Variants in PDCD7 observed in about 807,000 individuals in gnomAD.
The protein encoded by PDCD7 is programmed cell death protein 7.
PDCD7 carries 40 observed loss-of-function variants against 42.1 expected under a neutral mutation model. The observed-to-expected ratio is 0.95, with a 90% CI of 0.74 to 1.24. The LOEUF is 1.24. Among genes scored for constraint, PDCD7 ranks in the 50% most tolerant of loss-of-function variants. The pLI, the probability that PDCD7 is intolerant of heterozygous loss-of-function variation, is 0.00. For missense variants in PDCD7, 644 were observed against 662.8 expected, an observed-to-expected ratio of 0.97 and a Z score of 0.31; for synonymous variants, 299 against 303.3, an observed-to-expected ratio of 0.99 and a Z score of 0.15.
chr15:65,126,724 G>A (rs958188812), intron 2 of PDCD7, among the ~76,000 whole-genome samples: 13 of 150,636 alleles, frequency 8.6e-5, no homozygotes, highest in Non-Finnish European at 7.4e-5. Flanking sequence ...ACTGCACTTC[G>A]GCTTGGGCGA....
intron 2 of PDCD7, among the ~76,000 whole-genome samples, chr15:65,125,593 T>C (rs1238098038): frequency 6.6e-6 from 1 of 152,216 alleles, no homozygotes; most frequent in Non-Finnish European, 1.5e-5. Flanking sequence ...TCCTTATTTC[T>C]TGATAATAAA....
Position 65,133,396 on chromosome 15 carries a change from G to T in PDCD7, c.386C>A (p.Pro129Gln). The change falls in exon 1 of 5, where the codon CCG becomes CAG. Residue 129 changes from proline to glutamine, a missense_variant. Physicochemically the swap from Pro to Gln is moderately conservative, Grantham distance 76. Transcript: ENST00000204549. ...SPRWPEAPPP[P>Q]ADVLGDAALQ... ...GGCCGCATCCCCGAGCACGTCGGCC[G>T]GCGGCGGCGGCGCCTCAGGCCACCG... is the stretch of plus-strand genomic sequence containing the variant. The T allele has an allele frequency of 1.0e-5, 12 of 1,185,404 alleles. No individual in the cohort carries two copies. The highest frequency in any genetic ancestry group is 1.3e-5 in the Non-Finnish European group (12 of 959,014). 73.4% of individuals were successfully genotyped at this position (1,185,404 alleles called of 1,614,324 possible). A position where few individuals can be genotyped will look rare whatever the true frequency, so the allele number is the denominator to read the frequency against.
chr15:65,119,987 A>ATT, intron 2 of PDCD7, 33 bp from the exon 3 acceptor site: 11 of 1,251,440 alleles, frequency 8.8e-6, no homozygotes, highest in Admixed American at 2.3e-5. Flanking sequence ...CATTTTATTT[A>ATT]TTTTTTTTTT....
intron 2 of PDCD7, 108 bp downstream of exon 2, chr15:65,128,924 G>T: frequency 7.6e-7 from 1 of 1,315,212 alleles, no homozygotes. Context: ...CCGACAAGGT[G>T]AAAATCATGA....
chr15:65,127,440 G>A (rs910148398), intron 2 of PDCD7, among the ~76,000 whole-genome samples: 3 of 149,394 alleles, frequency 2.0e-5, no homozygotes. Flanking sequence ...GTCCGGCCTG[G>A]GCGACAGAGC....
chr15:65,122,380 GA>G (rs371285004), intron 2 of PDCD7, among the ~76,000 whole-genome samples: 34 of 148,326 alleles, frequency 2.3e-4, no homozygotes, highest in South Asian at 4.3e-4. Context: ...ATACAAGAAA[GA>G]AAAAAAAAAT....
Position 65,133,459 on chromosome 15 carries a change from C to T in PDCD7, c.323G>A (p.Arg108Gln). The T allele has an allele frequency of 1.7e-6, 2 of 1,207,192 alleles. No individual in the cohort carries two copies. Among genetic ancestry groups the T allele is most frequent in the East Asian group, 3.4e-5 (1 of 29,510 alleles). The allele number at this position is 1,207,192 out of a possible 1,614,324, so 74.8% of individuals were successfully genotyped here. ...CGGCCCCGGGCCGGGAGGCGGTGGCCGCGGCCGCTCGCCGGCGTCGGTCCC... is the reference window on the plus strand; with the variant it reads ...CGGCCCCGGGCCGGGAGGCGGTGGCTGCGGCCGCTCGCCGGCGTCGGTCCC... ...FPGTDAGERPRPPPPGPGPPW... is the reference protein window; with the variant it reads ...FPGTDAGERPQPPPPGPGPPW... Residue 108 changes from arginine to glutamine, a missense_variant, in exon 1 of 5, where the codon CGG becomes CAG. Coordinates refer to ENST00000204549, the MANE Select transcript of PDCD7 (RefSeq NM_005707.2).
At chr15:65,131,086 G>A (rs1312164368) in intron 1 of PDCD7, among the ~76,000 whole-genome samples, 1 of 152,164 alleles carries the variant, frequency 6.6e-6, no homozygotes, top group Non-Finnish European at 1.5e-5. Context: ...AGATGAGGCA[G>A]GCGAGCAAGT....
chr15:65,130,621 T>C (rs1191005907), intron 1 of PDCD7, among the ~76,000 whole-genome samples: 2 of 152,140 alleles, frequency 1.3e-5, no homozygotes, highest in East Asian at 1.9e-4. Flanking sequence ...ACTTCTCCAT[T>C]TGGATTACTC....
At position 65,133,713 on chromosome 15, in the gene PDCD7, A is replaced by G; in HGVS notation, c.69T>C (p.Ala23=). ...GCGGCGGTGGCGGACAGCCGAAAGG[A>G]GCAGGAGGCGGCGGCTGCGGGGGCG... ...GPPPPQPPPP[A]PFGCPPPPLP... is the part of the protein sequence containing the mutation. The change falls in exon 1 of 5, where the codon GCT becomes GCC. Residue 23 remains alanine, a synonymous_variant. Coordinates refer to ENST00000204549, the MANE Select transcript of PDCD7 (RefSeq NM_005707.2). The G allele has an allele frequency of 1.5e-6, 2 of 1,312,998 alleles. No homozygotes were observed. Among genetic ancestry groups the G allele is most frequent in the South Asian group, 2.4e-5 (1 of 42,258 alleles). The allele number at this position is 1,312,998 out of a possible 1,614,324, so 81.3% of individuals were successfully genotyped here. A position where few individuals can be genotyped will look rare whatever the true frequency, so the allele number is the denominator to read the frequency against.
chr15:65,121,058 T>TC (rs1396397966), intron 2 of PDCD7, among the ~76,000 whole-genome samples: 2 of 149,806 alleles, frequency 1.3e-5, no homozygotes, highest in African/African-American at 4.9e-5. Flanking sequence ...TCTTTCTTTT[T>TC]TTTTTTTTTT....
chr15:65,132,957 G>A lies in PDCD7; in HGVS notation c.825C>T (p.Asp275=). The A allele has an allele frequency of 1.2e-6, 2 of 1,606,456 alleles. No individual in the cohort carries two copies. The highest frequency in any genetic ancestry group is 8.5e-7 in the Non-Finnish European group (1 of 1,179,848). The change falls in exon 1 of 5, where the codon GAC becomes GAT. Residue 275 remains aspartate (D), a synonymous_variant. Transcript: ENST00000204549. The part of the protein sequence containing the change: ...ARAVEREQEI[D]RWRVKCVQEV... ...CCTGCACACACTTCACCCTCCAGCG[G>A]TCAATCTCCTGCTCGCGTTCCACTG...
chr15:65,118,477 T>C lies in PDCD7; in HGVS notation c.*240A>G. On this transcript the variant is annotated 3_prime_UTR_variant, in exon 5 of 5. Transcript: ENST00000204549. Reference sequence around the variant, plus strand: ...AGGCAAATTTGGTGAACCAAGGTCATTCACTGCCTGTGGTAAAAACCTCAG... The same window carrying C: ...AGGCAAATTTGGTGAACCAAGGTCACTCACTGCCTGTGGTAAAAACCTCAG... The C allele has an allele frequency of 2.6e-6, 1 of 385,516 alleles. No individual in the cohort carries two copies. Among genetic ancestry groups the C allele is most frequent in the Non-Finnish European group, 4.6e-6 (1 of 219,636 alleles). The allele number at this position is 385,516 out of a possible 1,614,324, so 23.9% of individuals were successfully genotyped here. A position where few individuals can be genotyped will look rare whatever the true frequency, so the allele number is the denominator to read the frequency against.
Position 65,129,696 on chromosome 15 carries a change from T to C in PDCD7, c.871-526A>G, listed in dbSNP as rs568284747. 5.3e-4 allele frequency among the ~76,000 whole-genome samples: 80 copies of C among 152,258 alleles called. 2 individuals carry two copies. The highest frequency in any genetic ancestry group is 1.9e-3 in the African/African-American group (77 of 41,542). ...GATTGCTGTCCTACTCTTGACTTAG[T>C]TCACATATAGACTAAATAACCCCAG... On this transcript the variant is annotated intron_variant, in intron 1 of 4. Transcript: ENST00000204549.
chr15:65,133,173 C>T lies in PDCD7; in HGVS notation c.609G>A (p.Ala203=), dbSNP rs758688595. The change falls in exon 1 of 5, where the codon GCG becomes GCA. Residue 203 remains alanine (A), a synonymous_variant. Transcript: ENST00000204549. ...QALREAEADG[A]AWVLLYSQTA... is the part of the protein sequence containing the mutation. ...TCTGGGAGTACAGCAGGACCCAGGC[C>T]GCGCCGTCGGCTTCGGCCTCGCGCA... 105 of 1,459,824 alleles carry T rather than the reference C, an allele frequency of 7.2e-5. No individual in the cohort carries two copies. The highest frequency in any genetic ancestry group is 3.7e-5 in the Non-Finnish European group (41 of 1,116,634). 90.4% of individuals were successfully genotyped at this position (1,459,824 alleles called of 1,614,324 possible).
intron 2 of PDCD7, among the ~76,000 whole-genome samples, chr15:65,128,703 C>A (rs955801234): frequency 6.6e-6 from 1 of 152,222 alleles, no homozygotes; most frequent in African/African-American, 2.4e-5. Context: ...AGCTTTCACT[C>A]TGGCACAAGG....
intron 2 of PDCD7, among the ~76,000 whole-genome samples, chr15:65,124,031 T>C (rs1303668005): frequency 5.3e-5 from 8 of 152,168 alleles, no homozygotes; most frequent in African/African-American, 1.9e-4. Context: ...AAAGACCCCA[T>C]GAAGAGATGT....
Position 65,133,121 on chromosome 15 carries a change from C to T in PDCD7, c.661G>A (p.Glu221Lys), listed in dbSNP as rs887701445. 27 of 1,541,848 alleles carry T rather than the reference C, an allele frequency of 1.8e-5. No homozygotes were observed. Among genetic ancestry groups the T allele is most frequent in the Non-Finnish European group, 2.3e-5 (27 of 1,150,746 alleles). ...GCCTGGGTCAACGGCTGTAGCCGCT[C>T]GGCCAGTTCCGCGCGCAGCGGCGCG... ...QTAPLRAELAERLQPLTQAAY... is the reference protein window; with the variant it reads ...QTAPLRAELAKRLQPLTQAAY... Residue 221 changes from glutamate to lysine, a missense_variant, in exon 1 of 5, where the codon GAG (glutamate) becomes AAG (lysine). Glu to Lys is a moderately conservative substitution (Grantham distance 56). Transcript: ENST00000204549.
intron 2 of PDCD7, 116 bp downstream of exon 2, chr15:65,128,916 G>C (rs117447304): frequency 1.6e-6 from 2 of 1,245,042 alleles, no homozygotes; most frequent in African/African-American, 3.0e-5. Context: ...CCAGTTACCC[G>C]ACAAGGTGAA....
Sources: gnomAD v4.1 joint callset for allele counts (sites outside exome capture counted in the v4.1 genomes callset) on GRCh38, gnomAD v4.1.1 for gene constraint, MANE v1.5 for transcripts, NCBI Gene and HGNC (gene_info 2026-07-23, HGNC 2026-07-21) for gene names.